The following KCNG3 variants were observed in gnomAD, a reference collection of about 807,000 sequenced individuals.
The protein encoded by KCNG3 is voltage-gated potassium channel regulatory subunit KCNG3.
In KCNG3, 15 loss-of-function variants were observed where a neutral mutation model predicts 29.0. The ratio of observed to expected loss-of-function variants is 0.52; its 90% CI spans 0.35 to 0.80. The LOEUF is 0.80. KCNG3 is among the 30% of genes least tolerant of loss of function. The pLI, the probability that KCNG3 is intolerant of heterozygous loss-of-function variation, is 0.01. For missense variants in KCNG3, 512 were observed against 605.7 expected (o/e 0.85, Z 1.62); for synonymous variants, 322 against 248.9 (o/e 1.29, Z -2.76).
At chr2:42,420,021 G>A in the KCNG3 span, among the ~76,000 whole-genome samples, 1 of 151,964 alleles carries the variant, frequency 6.6e-6, no homozygotes, top group Non-Finnish European at 1.5e-5. Context: ...TCAGGAGCTC[G>A]AGGCCAGCCT....
the KCNG3 span, among the ~76,000 whole-genome samples, chr2:42,391,951 T>C: frequency 6.6e-6 from 1 of 152,200 alleles, no homozygotes; most frequent in Non-Finnish European, 1.5e-5. Context: ...ATAAAGATGT[T>C]TTTACGGTGC....
At chr2:42,454,962 T>C (rs986389302) in intron 1 of KCNG3, among the ~76,000 whole-genome samples, 6 of 152,140 alleles carry the variant, frequency 3.9e-5, no homozygotes, top group African/African-American at 1.4e-4. Flanking sequence ...GCTCTGAAGA[T>C]CTGTTTCATA....
At chr2:42,460,656 T>C (rs572415853) in intron 1 of KCNG3, among the ~76,000 whole-genome samples, 109 of 152,272 alleles carry the variant, frequency 7.2e-4, no homozygotes, top group Non-Finnish European at 2.8e-4. Flanking sequence ...AGATACCTGA[T>C]GAAGTAAAAG....
the KCNG3 span, among the ~76,000 whole-genome samples, chr2:42,434,458 C>CAAAAAA: frequency 1.6e-4 from 5 of 31,236 alleles, no homozygotes; most frequent in Non-Finnish European, 2.5e-4. Flanking sequence ...GACACTGTCT[C>CAAAAAA]AAAAAAAAAA....
At chr2:42,389,255 C>G in the KCNG3 span, among the ~76,000 whole-genome samples, 1 of 152,198 alleles carries the variant, frequency 6.6e-6, no homozygotes, top group Non-Finnish European at 1.5e-5. Flanking sequence ...TATCACTTAA[C>G]AGTGTATGAT....
rs533848386 is a variant in KCNG3 at position 42,459,595 on chromosome 2, G to A, written c.666-15016C>T. On this transcript the variant is annotated intron_variant, in intron 1 of 1. Transcript: ENST00000306078. ...TCATTCACCATGCAACAAAGCTCAT[G>A]AGTGACTGCCTAATGTATGTCAGGC... is the stretch of plus-strand genomic sequence containing the variant. 1.7e-4 allele frequency among the ~76,000 whole-genome samples: 26 copies of A among 152,330 alleles called. 2 individuals carry two copies. The South Asian group carries it at 5.4e-3, about 32-fold the overall frequency.
the KCNG3 span, among the ~76,000 whole-genome samples, chr2:42,420,645 C>T: frequency 6.6e-6 from 1 of 151,970 alleles, no homozygotes; most frequent in Non-Finnish European, 1.5e-5. Context: ...CATAATTAGC[C>T]GGACGTGGTG....
intron 1 of KCNG3, among the ~76,000 whole-genome samples, chr2:42,445,331 T>G (rs1266409482): frequency 1.6e-4 from 25 of 152,032 alleles, no homozygotes; most frequent in Non-Finnish European, 4.4e-5. Context: ...CCTATCTAAG[T>G]TTTTTGATGG....
chr2:42,430,840 T>C, the KCNG3 span, among the ~76,000 whole-genome samples: 2 of 152,160 alleles, frequency 1.3e-5, no homozygotes, highest in Non-Finnish European at 2.9e-5. Flanking sequence ...CCAGGAGTGG[T>C]GGCTCACACA....
the KCNG3 span, among the ~76,000 whole-genome samples, chr2:42,412,519 G>T: frequency 6.6e-6 from 1 of 152,084 alleles, no homozygotes; most frequent in African/African-American, 2.4e-5. Flanking sequence ...CTCCCATTAT[G>T]ATTGTAAATT....
the KCNG3 span, among the ~76,000 whole-genome samples, chr2:42,389,701 A>G: frequency 6.6e-6 from 1 of 152,248 alleles, no homozygotes; most frequent in Non-Finnish European, 1.5e-5. Context: ...TAAGAAATTT[A>G]AATTGGTATG....
the KCNG3 span, among the ~76,000 whole-genome samples, chr2:42,392,716 G>A: frequency 6.6e-6 from 1 of 151,698 alleles, no homozygotes; most frequent in African/African-American, 2.4e-5. Flanking sequence ...CTCAGGAGGG[G>A]TAAGGAAGTA....
chr2:42,431,018 A>G, the KCNG3 span, among the ~76,000 whole-genome samples: 1 of 151,478 alleles, frequency 6.6e-6, no homozygotes, highest in African/African-American at 2.4e-5. Flanking sequence ...AGACATGAAA[A>G]TCACTTGAAC....
At chr2:42,485,436 G>A (rs914319341) in intron 1 of KCNG3, among the ~76,000 whole-genome samples, 4 of 146,124 alleles carry the variant, frequency 2.7e-5, no homozygotes, top group African/African-American at 1.0e-4. Flanking sequence ...CTCAAATGCT[G>A]CCAGCAAAGA....
chr2:42,484,951 T>C (rs1054502005), intron 1 of KCNG3, among the ~76,000 whole-genome samples: 40 of 152,218 alleles, frequency 2.6e-4, no homozygotes, highest in Non-Finnish European at 5.6e-4. Context: ...ATCCACCTTA[T>C]CTGCACAGTA....
chr2:42,466,999 C>T (rs916029106), intron 1 of KCNG3, among the ~76,000 whole-genome samples: 7 of 151,936 alleles, frequency 4.6e-5, no homozygotes, highest in Non-Finnish European at 7.4e-5. Flanking sequence ...GTGATCCGCC[C>T]GCCTCGGCCT....
chr2:42,390,121 A>G, the KCNG3 span, among the ~76,000 whole-genome samples: 1 of 152,230 alleles, frequency 6.6e-6, no homozygotes, highest in Non-Finnish European at 1.5e-5. Flanking sequence ...AATGTCATGC[A>G]GGAAACATTT....
chr2:42,415,267 T>C, the KCNG3 span, among the ~76,000 whole-genome samples: 7 of 152,302 alleles, frequency 4.6e-5, no homozygotes, highest in Non-Finnish European at 7.4e-5. Flanking sequence ...AGGTCTCATA[T>C]GTACAGATGT....
downstream of KCNG3, among the ~76,000 whole-genome samples, chr2:42,439,444 G>A (rs567252153): frequency 2.6e-5 from 4 of 151,734 alleles, no homozygotes; most frequent in South Asian, 8.3e-4. Context: ...TGTATTTTTA[G>A]TAGAGACAGG....
Sources: allele counts gnomAD v4.1 joint callset (sites outside exome capture counted in the v4.1 genomes callset), GRCh38; gene constraint gnomAD v4.1.1; transcripts MANE v1.5; gene names NCBI Gene and HGNC (gene_info 2026-07-23, HGNC 2026-07-21).